ATRN: variants seen among roughly 807,000 people sequenced by gnomAD.
ATRN encodes the protein attractin.
Under a neutral mutation model 178.7 loss-of-function variants are expected in ATRN, and 54 were observed. That is an observed-to-expected ratio of 0.30 (90% CI 0.24 to 0.38). The LOEUF is 0.38. Among genes scored for constraint, ATRN ranks in the 10% least tolerant of loss-of-function variants. The probability of loss-of-function intolerance (pLI) is 1.00; values close to 1 mark genes in which losing one functional copy is unlikely to be tolerated. For missense variants in ATRN, 1,443 were observed against 1,815.1 expected (o/e 0.79, Z 3.73); for synonymous variants, 636 against 663.0 (o/e 0.96, Z 0.63).
chr20:3,563,812 C>A (rs1257079446), intron 10 of ATRN, among the ~76,000 whole-genome samples: 1 of 152,166 alleles, frequency 6.6e-6, no homozygotes, highest in Non-Finnish European at 1.5e-5. Context: ...ACCGGATGAT[C>A]TCTTTCATAA....
chr20:3,552,436 C>T (rs78191623), intron 6 of ATRN, among the ~76,000 whole-genome samples: 120,805 of 151,596 alleles, frequency 0.8, 48,429 homozygotes, highest in East Asian at 1. Context: ...CAGATGTCCC[C>T]CCCAGTTAAT....
chr20:3,491,563 T>C (rs571694228), intron 1 of ATRN, among the ~76,000 whole-genome samples: 3 of 152,324 alleles, frequency 2.0e-5, no homozygotes. Flanking sequence ...TCAATCGTCT[T>C]CTGTATCTGT....
chr20:3,572,995 C>G, intron 12 of ATRN, 44 bp downstream of exon 12: 1 of 1,520,798 alleles, frequency 6.6e-7, no homozygotes, highest in Non-Finnish European at 9.0e-7. Flanking sequence ...AATTTGAGAC[C>G]TCATTTTATC....
Position 3,481,316 on chromosome 20 carries a change from GT to G in ATRN, c.410+9807del, listed in dbSNP as rs370313248. Among the ~76,000 whole-genome samples the G allele has an allele frequency of 3.9e-5, 6 of 152,038 alleles. 1 individual carries two copies. The South Asian group carries it at 8.3e-4, about 21-fold the overall frequency. On this transcript the variant is annotated intron_variant, in intron 1 of 28. Transcript: ENST00000262919. Reference sequence around the variant, plus strand: ...TCCTTTCAATTAAAACATTGAAAAAGTTTTTTTTCTTTTTCTGCTAGTGGAT... The same window carrying G: ...TCCTTTCAATTAAAACATTGAAAAAGTTTTTTTCTTTTTCTGCTAGTGGAT...
chr20:3,532,676 C>T (rs1179743234), intron 1 of ATRN, among the ~76,000 whole-genome samples: 1 of 152,062 alleles, frequency 6.6e-6, no homozygotes, highest in African/African-American at 2.4e-5. Flanking sequence ...AGAAGTTGAG[C>T]TCCAATGCAG....
rs537637865 is a variant in ATRN, at chr20:3,645,871, G to A, written c.4166-852G>A. 6.6e-6 allele frequency among the ~76,000 whole-genome samples: 1 copy of A among 152,038 alleles called. No individual in the cohort carries two copies. Among genetic ancestry groups the A allele is most frequent in the African/African-American group, 2.4e-5 (1 of 41,458 alleles). On this transcript the variant is annotated intron_variant, in intron 28 of 28. Coordinates refer to ENST00000262919, the MANE Select transcript of ATRN (RefSeq NM_139321.3). The surrounding 1 kb of genome is among the most constrained non-coding windows in gnomAD (Gnocchi z 4.7). ...CGCTGGCCATTTCCCACGTATATTA[G>A]GAATCCAGCTCCCCCAGAACCGTGC...
intron 24 of ATRN, among the ~76,000 whole-genome samples, chr20:3,611,964 A>C (rs1281503996): frequency 2.0e-5 from 3 of 152,242 alleles, no homozygotes; most frequent in Non-Finnish European, 2.9e-5. Context: ...TATACTTATC[A>C]TATAACCCAG....
intron 22 of ATRN, among the ~76,000 whole-genome samples, chr20:3,598,764 G>A (rs1303231214): frequency 1.3e-5 from 2 of 152,134 alleles, no homozygotes; most frequent in Non-Finnish European, 2.9e-5. Flanking sequence ...AGTATTTAAA[G>A]AAATTTTGCT....
At chr20:3,601,951 C>G (rs2086616188) in intron 23 of ATRN, among the ~76,000 whole-genome samples, 1 of 151,718 alleles carries the variant, frequency 6.6e-6, no homozygotes, top group East Asian at 1.9e-4. Flanking sequence ...GAAATTTGTC[C>G]ATTAAATTTA....
At chr20:3,514,310 A>G (rs560886472) in intron 1 of ATRN, among the ~76,000 whole-genome samples, 28 of 152,340 alleles carry the variant, frequency 1.8e-4, no homozygotes, top group Non-Finnish European at 3.4e-4. Flanking sequence ...TATTTCACCA[A>G]TGTTACAGAC....
chr20:3,531,157 T>C (rs139071388), intron 1 of ATRN, among the ~76,000 whole-genome samples: 1 of 152,296 alleles, frequency 6.6e-6, no homozygotes, highest in Admixed American at 6.5e-5. Context: ...TTCAAATTCC[T>C]TTAAACTTTT....
rs79234920 is a variant in ATRN at position 3,575,874 on chromosome 20, A to G, written c.2140A>G (p.Thr714Ala). Reference protein sequence around the residue: ...CDQHTDCYSCTANTNDCHWCN... With the variant: ...CDQHTDCYSCAANTNDCHWCN... ...CCAGCACACAGATTGTTACAGCTGC[A>G]CAGCCAACACCAATGACTGCCACTG... The change falls in exon 13 of 29, where the codon ACA becomes GCA. Residue 714 changes from threonine to alanine, a missense_variant. Coordinates refer to ENST00000262919, the MANE Select transcript of ATRN (RefSeq NM_139321.3). 2.5e-6 allele frequency: 4 copies of G among 1,614,132 alleles called. No homozygotes were observed. The highest frequency in any genetic ancestry group is 2.5e-6 in the Non-Finnish European group (3 of 1,180,008).
At chr20:3,559,281 C>A in intron 6 of ATRN, 112 bp from the exon 7 acceptor site, 1 of 801,844 alleles carries the variant, frequency 1.2e-6, no homozygotes. Flanking sequence ...TGCCCCCCTA[C>A]ATCCATGGTG....
chr20:3,490,988 C>T lies in ATRN; in HGVS notation c.410+19471C>T, dbSNP rs1600020791. 3.1e-5 allele frequency: 48 copies of T among 1,531,466 alleles called. No individual in the cohort carries two copies. The East Asian group carries it at 1.1e-3, about 34-fold the overall frequency. The allele number at this position is 1,531,466 out of a possible 1,614,324, so 94.9% of individuals were successfully genotyped here. A position where few individuals can be genotyped will look rare whatever the true frequency, so the allele number is the denominator to read the frequency against. ...TCTCCTCATGATAGCGCCGCTGCTG[C>T]TCCAGTATTGTCTCCATCTTCCTTT... On this transcript the variant is annotated intron_variant, in intron 1 of 28. Transcript: ENST00000262919.
chr20:3,632,247 A>G lies in ATRN; in HGVS notation c.3864-2064A>G, dbSNP rs2086994947. Among the ~76,000 whole-genome samples the G allele has an allele frequency of 6.6e-6, 1 of 152,116 alleles. No homozygotes were observed. The highest frequency in any genetic ancestry group is 1.5e-5 in the Non-Finnish European group (1 of 68,022). Reference sequence around the variant, plus strand: ...GGTTTGAGCCACCATCATCTCACCTAGACTGCTGGTCTCCCTGATAATGCC... The same window carrying G: ...GGTTTGAGCCACCATCATCTCACCTGGACTGCTGGTCTCCCTGATAATGCC... On this transcript the variant is annotated intron_variant, in intron 25 of 28. Coordinates refer to ENST00000262919, the MANE Select transcript of ATRN (RefSeq NM_139321.3). This position sits in a 1 kb window ranked among gnomAD's most constrained non-coding sequence, Gnocchi z 4.2.
intron 24 of ATRN, among the ~76,000 whole-genome samples, chr20:3,623,677 T>TA (rs2086914352): frequency 1.3e-5 from 2 of 151,796 alleles, no homozygotes; most frequent in African/African-American, 2.4e-5. Flanking sequence ...CTGAGTTCCC[T>TA]AAAAAAAAGC....
intron 22 of ATRN, 44 bp downstream of exon 22, chr20:3,598,044 G>C (rs376058798): frequency 9.1e-6 from 12 of 1,324,342 alleles, no homozygotes; most frequent in Non-Finnish European, 1.3e-5. Context: ...GAATTTGTAT[G>C]GATCTTTTTC....
intron 23 of ATRN, among the ~76,000 whole-genome samples, chr20:3,602,337 A>AT (rs2086621281): frequency 6.6e-6 from 1 of 152,160 alleles, no homozygotes; most frequent in South Asian, 2.1e-4. Flanking sequence ...CTCAAAAAAA[A>AT]AAAATAAAAA....
intron 24 of ATRN, among the ~76,000 whole-genome samples, chr20:3,608,561 G>A (rs1464863537): frequency 6.6e-6 from 1 of 152,120 alleles, no homozygotes; most frequent in Non-Finnish European, 1.5e-5. Flanking sequence ...TGTTCCACTG[G>A]TCCGTGTATC....
Sources: allele counts gnomAD v4.1 joint callset (sites outside exome capture counted in the v4.1 genomes callset), GRCh38; gene constraint gnomAD v4.1.1; non-coding constraint Gnocchi (gnomAD v3.1); transcripts MANE v1.5; gene names NCBI Gene and HGNC (gene_info 2026-07-23, HGNC 2026-07-21).